Variants in SPOCK1 observed in about 807,000 individuals in gnomAD.
The protein encoded by SPOCK1 is SPARC (osteonectin), cwcv and kazal like domains proteoglycan 1.
In SPOCK1, 23 loss-of-function variants were observed where a neutral mutation model predicts 55.3. That is an observed-to-expected ratio of 0.42 (90% CI 0.30 to 0.59). SPOCK1 has a LOEUF of 0.59. Ranked by LOEUF, SPOCK1 falls within the 20% of genes least tolerant of loss-of-function variation. The pLI is 0.22. For missense variants in SPOCK1, 499 were observed against 552.5 expected (o/e 0.90, Z 0.97); for synonymous variants, 226 against 221.0 (o/e 1.02, Z -0.20).
At chr5:137,435,607 C>T (rs1351841743) in intron 2 of SPOCK1, among the ~76,000 whole-genome samples, 2 of 152,090 alleles carry the variant, frequency 1.3e-5, no homozygotes, top group Admixed American at 6.5e-5. Flanking sequence ...ATAAGCCATC[C>T]TATAAAATGT....
chr5:137,026,375 G>A (rs1344400895), intron 6 of SPOCK1, among the ~76,000 whole-genome samples: 1 of 152,196 alleles, frequency 6.6e-6, no homozygotes, highest in Non-Finnish European at 1.5e-5. Flanking sequence ...TAAAGCAGAT[G>A]ACTCTCCATA....
chr5:137,243,175 G>A (rs1756320668), intron 3 of SPOCK1, among the ~76,000 whole-genome samples: 2 of 152,096 alleles, frequency 1.3e-5, no homozygotes, highest in Non-Finnish European at 2.9e-5. Context: ...CAACTGAGCC[G>A]CTGATTTTTC....
chr5:137,168,519 T>A (rs1183351085), intron 3 of SPOCK1, among the ~76,000 whole-genome samples: 1 of 152,030 alleles, frequency 6.6e-6, no homozygotes, highest in East Asian at 1.9e-4. Flanking sequence ...AAAAATCTAA[T>A]AATCTGATTG....
intron 4 of SPOCK1, among the ~76,000 whole-genome samples, chr5:137,130,117 T>C (rs532272961): frequency 6.6e-6 from 1 of 152,350 alleles, no homozygotes; most frequent in South Asian, 2.1e-4. Flanking sequence ...TCACCCATGC[T>C]AGACTTCCCT....
intron 3 of SPOCK1, among the ~76,000 whole-genome samples, chr5:137,167,425 A>G (rs1016674875): frequency 1.9e-5 from 2 of 103,272 alleles, no homozygotes; most frequent in Non-Finnish European, 4.8e-5. Context: ...GAAAATTAAC[A>G]AAAAAAAACA....
At chr5:137,392,262 T>C (rs1751740076) in intron 2 of SPOCK1, among the ~76,000 whole-genome samples, 1 of 152,114 alleles carries the variant, frequency 6.6e-6, no homozygotes, top group African/African-American at 2.4e-5. Flanking sequence ...TTACCACTGC[T>C]TGCACCCACA....
chr5:137,295,640 C>T (rs1451618951), intron 2 of SPOCK1, among the ~76,000 whole-genome samples: 1 of 151,942 alleles, frequency 6.6e-6, no homozygotes, highest in Non-Finnish European at 1.5e-5. Flanking sequence ...CAACTACAGA[C>T]ACTGTTTATA....
Position 137,061,957 on chromosome 5 carries a change from C to G in SPOCK1, c.589+5758G>C, listed in dbSNP as rs942584382. 3.3e-5 allele frequency among the ~76,000 whole-genome samples: 5 copies of G among 152,114 alleles called. No homozygotes were observed. In the South Asian group the frequency reaches 1.0e-3, roughly 32 times the overall value. On this transcript the variant is annotated intron_variant, in intron 6 of 10. Transcript: ENST00000394945. ...GACTGTGACTGAGGATGTACCCACA[C>G]GTGATAGGAACAAACTCACTAGACC...
intron 2 of SPOCK1, among the ~76,000 whole-genome samples, chr5:137,413,173 G>T (rs1752245965): frequency 6.6e-6 from 1 of 152,094 alleles, no homozygotes; most frequent in Non-Finnish European, 1.5e-5. Flanking sequence ...TTTCTTCTCA[G>T]TCAACTCTGC....
chr5:137,061,671 C>G (rs1289696266), intron 6 of SPOCK1, among the ~76,000 whole-genome samples: 1 of 145,034 alleles, frequency 6.9e-6, no homozygotes, highest in Non-Finnish European at 1.5e-5. Context: ...CCCTTCTGAT[C>G]TAATCTGTGC....
rs760277889 is a variant in SPOCK1, at chr5:137,008,331, A to ACAC, written c.590-15732_590-15731insGTG. Among the ~76,000 whole-genome samples the ACAC allele has an allele frequency of 1.5e-3, 114 of 74,662 alleles. No individual in the cohort carries two copies. In the Middle Eastern group the frequency reaches 0.04, roughly 26 times the overall value. The allele number at this position is 74,662 out of a possible 152,430, so 49.0% of individuals were successfully genotyped here. On this transcript the variant is annotated intron_variant, in intron 6 of 10. Transcript: ENST00000394945. ...ACACACACACACACACACACACACAATCAACACAGTAGCAGAAAAGATACC... is the reference window on the plus strand; with the variant it reads ...ACACACACACACACACACACACACAACACTCAACACAGTAGCAGAAAAGATACC...
intron 3 of SPOCK1, among the ~76,000 whole-genome samples, chr5:137,151,165 T>TTG (rs1026508576): frequency 1.3e-4 from 20 of 152,208 alleles, no homozygotes; most frequent in South Asian, 4.2e-4. Flanking sequence ...TAATTTTTTT[T>TTG]TTGTTGCTGT....
chr5:137,202,056 C>T (rs1483408253), intron 3 of SPOCK1, among the ~76,000 whole-genome samples: 1 of 152,218 alleles, frequency 6.6e-6, no homozygotes, highest in Non-Finnish European at 1.5e-5. Flanking sequence ...CTCAAGCCTG[C>T]TAAGGAACAA....
At chr5:137,124,360 G>T (rs1215305752) in intron 4 of SPOCK1, among the ~76,000 whole-genome samples, 1 of 152,154 alleles carries the variant, frequency 6.6e-6, no homozygotes, top group African/African-American at 2.4e-5. Flanking sequence ...CCCTGAGGAT[G>T]CTGCCTGCTG....
chr5:137,489,244 C>G (rs1754124411), intron 2 of SPOCK1, among the ~76,000 whole-genome samples: 1 of 152,170 alleles, frequency 6.6e-6, no homozygotes, highest in South Asian at 2.1e-4. Context: ...CTAAGCTGAT[C>G]CCTTAGATGA....
intron 3 of SPOCK1, among the ~76,000 whole-genome samples, chr5:137,205,293 G>A (rs1245922588): frequency 6.6e-6 from 1 of 152,200 alleles, no homozygotes; most frequent in African/African-American, 2.4e-5. Flanking sequence ...GAAAAGCCAT[G>A]AATGGGAAAT....
chr5:137,124,090 A>G (rs962024743), intron 4 of SPOCK1, among the ~76,000 whole-genome samples: 1 of 152,188 alleles, frequency 6.6e-6, no homozygotes, highest in Non-Finnish European at 1.5e-5. Context: ...AGAGCCATAA[A>G]GAACAACAAG....
chr5:137,076,189 T>C (rs1752756558), intron 5 of SPOCK1, among the ~76,000 whole-genome samples: 1 of 152,164 alleles, frequency 6.6e-6, no homozygotes, highest in Non-Finnish European at 1.5e-5. Context: ...CCCTCCCCTC[T>C]TCCGAACGGG....
chr5:137,088,260 GAGC>G (rs1752993817), intron 5 of SPOCK1, among the ~76,000 whole-genome samples: 1 of 152,226 alleles, frequency 6.6e-6, no homozygotes, highest in Non-Finnish European at 1.5e-5. Flanking sequence ...TGAAGTCTCA[GAGC>G]AGTGTCATGG....
Sources: gnomAD v4.1 joint callset for allele counts (sites outside exome capture counted in the v4.1 genomes callset) on GRCh38, gnomAD v4.1.1 for gene constraint, MANE v1.5 for transcripts, NCBI Gene and HGNC (gene_info 2026-07-23, HGNC 2026-07-21) for gene names.